CORIN: variants seen among roughly 807,000 people sequenced by gnomAD.
CORIN encodes the protein corin, serine peptidase.
Under a neutral mutation model 125.3 loss-of-function variants are expected in CORIN, and 117 were observed. That is an observed-to-expected ratio of 0.93 (90% confidence interval 0.80 to 1.09). The LOEUF is 1.09. Among genes scored for constraint, CORIN ranks in the 50% least tolerant of loss-of-function variants. The probability of loss-of-function intolerance (pLI) is 0.00; values close to 1 mark genes in which losing one functional copy is unlikely to be tolerated. For missense variants in CORIN, 1,253 were observed against 1,306.7 expected, an observed-to-expected ratio of 0.96 and a Z score of 0.63; for synonymous variants, 450 against 466.4, an observed-to-expected ratio of 0.96 and a Z score of 0.45.
At chr4:47,642,300 C>CT (rs1723263852) in intron 15 of CORIN, among the ~76,000 whole-genome samples, 1 of 152,178 alleles carries the variant, frequency 6.6e-6, no homozygotes, top group African/African-American at 2.4e-5. Context: ...CAGTTCTTAA[C>CT]TTTTCTTAAT....
intron 19 of CORIN, among the ~76,000 whole-genome samples, chr4:47,614,245 T>A (rs544276132): frequency 6.6e-6 from 1 of 152,276 alleles, no homozygotes. Context: ...CAGGCTGGAG[T>A]GCAATGGCAT....
intron 5 of CORIN, among the ~76,000 whole-genome samples, chr4:47,735,856 G>A (rs893904174): frequency 1.1e-4 from 17 of 151,252 alleles, no homozygotes; most frequent in African/African-American, 4.1e-4. Context: ...AACCCGGGAG[G>A]CGAAGCTTGC....
chr4:47,701,460 A>G (rs1726288952), intron 5 of CORIN, among the ~76,000 whole-genome samples: 1 of 152,240 alleles, frequency 6.6e-6, no homozygotes, highest in Admixed American at 6.5e-5. Flanking sequence ...CCTGCCTGAT[A>G]GCATGATGGA....
At chr4:47,695,461 G>C (rs1398093964) in intron 5 of CORIN, among the ~76,000 whole-genome samples, 1 of 152,132 alleles carries the variant, frequency 6.6e-6, no homozygotes, top group South Asian at 2.1e-4. Context: ...CTACATATTT[G>C]ACTCCAGTAA....
At chr4:47,800,145 A>G (rs61756977) in intron 2 of CORIN, among the ~76,000 whole-genome samples, 2,555 of 152,240 alleles carry the variant, frequency 0.017, 35 homozygotes, top group Non-Finnish European at 0.025. Flanking sequence ...TTGAGATGAC[A>G]AAAATGTCCT....
At chr4:47,798,365 C>T (rs927594411) in intron 2 of CORIN, among the ~76,000 whole-genome samples, 2 of 152,112 alleles carry the variant, frequency 1.3e-5, no homozygotes, top group Admixed American at 1.3e-4. Flanking sequence ...TTATTATCTC[C>T]TTGGCTTTTG....
intron 17 of CORIN, among the ~76,000 whole-genome samples, chr4:47,624,829 G>T (rs1722483576): frequency 6.6e-6 from 1 of 151,108 alleles, no homozygotes; most frequent in African/African-American, 2.4e-5. Context: ...ATCCATATTG[G>T]GACTTTCAAA....
chr4:47,814,048 A>G (rs1732164357), intron 1 of CORIN, among the ~76,000 whole-genome samples: 1 of 119,960 alleles, frequency 8.3e-6, no homozygotes, highest in Admixed American at 8.3e-5. Flanking sequence ...TAAAAAGAAA[A>G]AAATCATCCA....
At position 47,683,738 on chromosome 4, in the gene CORIN, T is replaced by C. The variant is rs763642989; in HGVS notation, c.1014A>G (p.Gln338=). ...YDDCGDLSDE[Q]NCDCNPTTEH... is the part of the protein sequence containing the mutation. Reference sequence around the variant, plus strand: ...GGAAACAATGCTACTTACCACAGTTTTGCTCATCACTCAAATCCCCACAGT... The same window carrying C: ...GGAAACAATGCTACTTACCACAGTTCTGCTCATCACTCAAATCCCCACAGT... Residue 338 remains glutamine, a synonymous_variant, in exon 7 of 22, where the codon CAA becomes CAG. Transcript: ENST00000273857. 15 of 1,610,882 alleles carry C rather than the reference T, an allele frequency of 9.3e-6. No individual in the cohort carries two copies. In the East Asian group the frequency reaches 2.2e-4, roughly 24 times the overall value.
chr4:47,773,121 A>C (rs1730138428), intron 3 of CORIN, among the ~76,000 whole-genome samples: 1 of 152,226 alleles, frequency 6.6e-6, no homozygotes, highest in African/African-American at 2.4e-5. Flanking sequence ...ATGTTTTTAA[A>C]AAAAGAATTT....
intron 2 of CORIN, among the ~76,000 whole-genome samples, chr4:47,805,199 T>C (rs1275366876): frequency 1.3e-5 from 2 of 148,992 alleles, no homozygotes; most frequent in Non-Finnish European, 3.0e-5. Context: ...ATAAAAAAAA[T>C]AGAGTATAAT....
At chr4:47,770,591 A>AT (rs1729980535) in intron 3 of CORIN, among the ~76,000 whole-genome samples, 1 of 152,236 alleles carries the variant, frequency 6.6e-6, no homozygotes, top group South Asian at 2.1e-4. Context: ...TCACTGCAGC[A>AT]TTATTCACAA....
Position 47,641,966 on chromosome 4 carries a change from A to G in CORIN, c.2152T>C (p.Trp718Arg), listed in dbSNP as rs779471659. The part of the protein sequence containing the change: ...ATEHHVCADG[W>R]QEILSQLACK... The stretch of plus-strand genomic sequence containing the variant: ...GCCAGCTGACTCAATATCTCCTGCC[A>G]GCCATCTGCACACACATGGTGTTCT... Residue 718 changes from tryptophan (W) to arginine (R), a missense_variant, in exon 16 of 22, where the codon TGG becomes CGG. Transcript: ENST00000273857. 1 of 1,613,696 alleles carries G rather than the reference A, an allele frequency of 6.2e-7. No homozygotes were observed. Among genetic ancestry groups the G allele is most frequent in the Admixed American group, 1.7e-5 (1 of 60,004 alleles).
chr4:47,740,789 A>G (rs1728358132), intron 5 of CORIN, among the ~76,000 whole-genome samples: 1 of 151,976 alleles, frequency 6.6e-6, no homozygotes, highest in African/African-American at 2.4e-5. Flanking sequence ...AAAGTCCAGA[A>G]ATAAACCCAT....
At chr4:47,788,361 GCTAA>G (rs1730914071) in intron 2 of CORIN, among the ~76,000 whole-genome samples, 2 of 152,136 alleles carry the variant, frequency 1.3e-5, no homozygotes, top group Non-Finnish European at 2.9e-5. Context: ...GCTGTTTCTA[GCTAA>G]CTGAGATCAA....
At chr4:47,826,584 A>G (rs1165998105) in intron 1 of CORIN, among the ~76,000 whole-genome samples, 1 of 152,152 alleles carries the variant, frequency 6.6e-6, no homozygotes, top group African/African-American at 2.4e-5. Flanking sequence ...TACATCCACC[A>G]TCACTAATTG....
intron 4 of CORIN, among the ~76,000 whole-genome samples, chr4:47,754,817 C>G (rs975749073): frequency 2.0e-5 from 3 of 152,210 alleles, no homozygotes; most frequent in African/African-American, 7.2e-5. Flanking sequence ...TTAACTCAGC[C>G]CATTCTTTCT....
At chr4:47,672,695 A>G (rs1724814235) in intron 10 of CORIN, among the ~76,000 whole-genome samples, 1 of 152,054 alleles carries the variant, frequency 6.6e-6, no homozygotes, top group African/African-American at 2.4e-5. Context: ...TTCTATTTAA[A>G]TCAGTTTCTA....
intron 19 of CORIN, among the ~76,000 whole-genome samples, chr4:47,621,617 G>A (rs1383044807): frequency 1.3e-5 from 2 of 152,146 alleles, no homozygotes; most frequent in African/African-American, 4.8e-5. Flanking sequence ...TCGTCAGTTT[G>A]GGGTAGGTTT....
Sources: allele counts gnomAD v4.1 joint callset (sites outside exome capture counted in the v4.1 genomes callset), GRCh38; gene constraint gnomAD v4.1.1; transcripts MANE v1.5; gene names NCBI Gene and HGNC (gene_info 2026-07-23, HGNC 2026-07-21).